The following FNTA variants were observed in gnomAD, a reference collection of about 807,000 sequenced individuals.
FNTA encodes farnesyltransferase, CAAX box, subunit alpha.
FNTA carries 27 observed loss-of-function variants against 55.2 expected under a neutral mutation model. The ratio of observed to expected loss-of-function variants is 0.49; its 90% CI spans 0.36 to 0.67. The LOEUF is 0.67. Ranked by LOEUF, FNTA falls within the 30% of genes least tolerant of loss-of-function variation. FNTA has a pLI of 0.00. For missense variants in FNTA, 422 were observed against 464.7 expected (o/e 0.91, Z 0.85); for synonymous variants, 176 against 170.7 (o/e 1.03, Z -0.24).
chr8:43,074,505 A>G (rs1461479001), intron 5 of FNTA, among the ~76,000 whole-genome samples: 2 of 151,654 alleles, frequency 1.3e-5, no homozygotes, highest in Non-Finnish European at 2.9e-5. Context: ...ATCCTGGGCA[A>G]CAAAATGAGA....
Position 43,085,211 on chromosome 8 carries a change from A to C in FNTA, c.1069A>C (p.Arg357=). 1 of 1,595,426 alleles carries C rather than the reference A, an allele frequency of 6.3e-7. No individual in the cohort carries two copies. Among genetic ancestry groups the C allele is most frequent in the Non-Finnish European group, 8.6e-7 (1 of 1,166,926 alleles). Residue 357 remains arginine (R), a synonymous_variant, in exon 9 of 9, where the codon AGA becomes CGA. Coordinates refer to ENST00000302279, the MANE Select transcript of FNTA (RefSeq NM_002027.3). The part of the protein sequence containing the change: ...EKDTIRKEYW[R]YIGRSLQSKH... ...GGACACTATAAGAAAGGAATATTGG[A>C]GATACATTGGAAGATCCCTTCAAAG... is the stretch of plus-strand genomic sequence containing the variant.
chr8:43,077,391 T>G lies in FNTA; in HGVS notation c.782+27T>G, dbSNP rs1467138103. The G allele has an allele frequency of 3.2e-6, 5 of 1,583,194 alleles. No individual in the cohort carries two copies. In the African/African-American group the frequency reaches 5.4e-5, roughly 17 times the overall value. On this transcript the variant is annotated intron_variant, in intron 6 of 8. Coordinates refer to ENST00000302279, the MANE Select transcript of FNTA (RefSeq NM_002027.3). ...TTAGTAATCTCCTTCACTTGCTCAT[T>G]CGTTACAAACATGTTTGCATGCCTA... is the stretch of plus-strand genomic sequence containing the variant.
At chr8:43,062,171 T>TTGTGTG (rs1231444055) in intron 2 of FNTA, among the ~76,000 whole-genome samples, 2 of 75,062 alleles carry the variant, frequency 2.7e-5, no homozygotes, top group African/African-American at 7.4e-5. Context: ...TGTGTATGTT[T>TTGTGTG]TATGTGTGTG....
chr8:43,070,687 ATTG>A (rs1159706766), intron 4 of FNTA, among the ~76,000 whole-genome samples: 7 of 152,238 alleles, frequency 4.6e-5, no homozygotes, highest in Admixed American at 2.0e-4. Flanking sequence ...CAGTTTTGAA[ATTG>A]TTGTACATTT....
chr8:43,056,404 G>C lies in FNTA; in HGVS notation c.58G>C (p.Ala20Pro), dbSNP rs1810399097. ...GCAAGGGGGCGAGCCCGGGCAGCCG[G>C]CGCAACCCCCGCCCCAGCCGCACCC... ...AAQGGEPGQP[A>P]QPPPQPHPPP... The change falls in exon 1 of 9, where the codon GCG (alanine) becomes CCG (proline). Residue 20 changes from alanine (A) to proline (P), a missense_variant. By Grantham distance (27) the Ala-to-Pro change is conservative (BLOSUM62 -1). Coordinates refer to ENST00000302279, the MANE Select transcript of FNTA (RefSeq NM_002027.3). 6.6e-7 allele frequency: 1 copy of C among 1,514,722 alleles called. No individual in the cohort carries two copies. Among genetic ancestry groups the C allele is most frequent in the African/African-American group, 1.4e-5 (1 of 69,514 alleles). The allele number at this position is 1,514,722 out of a possible 1,614,324, so 93.8% of individuals were successfully genotyped here.
intron 3 of FNTA, among the ~76,000 whole-genome samples, chr8:43,068,754 CCA>C (rs763420590): frequency 1.4e-4 from 21 of 152,210 alleles, no homozygotes; most frequent in Non-Finnish European, 3.1e-4. Context: ...CTCTTGTTGC[CCA>C]GTCTGGAGTG....
At chr8:43,069,700 A>C (rs1348179736) in intron 4 of FNTA, 41 bp downstream of exon 4, 1 of 1,277,220 alleles carries the variant, frequency 7.8e-7, no homozygotes, top group African/African-American at 1.5e-5. Flanking sequence ...GCTGGAGTGC[A>C]GTGGCATGAC....
intron 7 of FNTA, among the ~76,000 whole-genome samples, chr8:43,083,831 G>C (rs1426503459): frequency 6.6e-6 from 1 of 152,224 alleles, no homozygotes; most frequent in East Asian, 1.9e-4. Context: ...CCAGCACTTT[G>C]GGAGGCCAAG....
intron 4 of FNTA, among the ~76,000 whole-genome samples, 182 bp downstream of exon 4, chr8:43,069,841 G>C (rs1309578464): frequency 6.6e-6 from 1 of 151,200 alleles, no homozygotes; most frequent in Non-Finnish European, 1.5e-5. Flanking sequence ...ACGGGGTTTT[G>C]CCATGTTGGC....
intron 1 of FNTA, among the ~76,000 whole-genome samples, chr8:43,057,956 CAAAAA>C (rs71550440): frequency 1.4e-5 from 1 of 69,388 alleles, no homozygotes. Context: ...GACTCCATCT[CAAAAA>C]AAAAAAAAAA....
intron 3 of FNTA, among the ~76,000 whole-genome samples, chr8:43,065,132 C>T (rs1810624573): frequency 6.6e-6 from 1 of 152,072 alleles, no homozygotes; most frequent in African/African-American, 2.4e-5. Context: ...CCGTGCCTGG[C>T]TTATTTTTTT....
intron 2 of FNTA, among the ~76,000 whole-genome samples, chr8:43,062,061 C>T (rs1216170979): frequency 1.3e-5 from 2 of 151,960 alleles, no homozygotes; most frequent in African/African-American, 2.4e-5. Flanking sequence ...TTCATTTTAC[C>T]TTTTACAGTG....
At chr8:43,065,367 C>T (rs1023284128) in intron 3 of FNTA, among the ~76,000 whole-genome samples, 1 of 152,066 alleles carries the variant, frequency 6.6e-6, no homozygotes, top group Non-Finnish European at 1.5e-5. Flanking sequence ...CCTGCCTCAG[C>T]CTCCCAGGTA....
At chr8:43,058,643 G>A (rs1810466051) in intron 1 of FNTA, among the ~76,000 whole-genome samples, 1 of 152,030 alleles carries the variant, frequency 6.6e-6, no homozygotes, top group South Asian at 2.1e-4. Flanking sequence ...GGTGGCGCCC[G>A]CCTGTAGTCC....
intron 6 of FNTA, chr8:43,077,632 C>A: frequency 4.0e-6 from 1 of 251,926 alleles, no homozygotes. Context: ...TATTTTAAAA[C>A]CATCTCATTA....
At chr8:43,072,155 ACTT>A in intron 4 of FNTA, 23 bp from the exon 5 acceptor site, 3 of 1,447,190 alleles carry the variant, frequency 2.1e-6, no homozygotes, top group Non-Finnish European at 2.8e-6. Context: ...TTAACAAAAA[ACTT>A]CTCTCCCTTC....
chr8:43,057,701 T>A (rs1296626865), intron 1 of FNTA, among the ~76,000 whole-genome samples: 1 of 152,206 alleles, frequency 6.6e-6, no homozygotes, highest in Non-Finnish European at 1.5e-5. Context: ...CTCACGCCTG[T>A]AATCCCAGCA....
chr8:43,065,242 T>C (rs1810628199), intron 3 of FNTA, among the ~76,000 whole-genome samples: 1 of 151,988 alleles, frequency 6.6e-6, no homozygotes, highest in Non-Finnish European at 1.5e-5. Flanking sequence ...TGACACACTT[T>C]TTTTTTTTTG....
rs530893017 is a variant in FNTA at position 43,065,697 on chromosome 8, T to C, written c.401+1482T>C. Among the ~76,000 whole-genome samples the C allele has an allele frequency of 1.7e-4, 26 of 151,574 alleles. 1 individual carries two copies. In the South Asian group the frequency reaches 5.4e-3, roughly 31 times the overall value. ...CACAGGTCATCCTTCAGTTTCATTT[T>C]TCTCTTCACCAATTGGATGCTGCAT... On this transcript the variant is annotated intron_variant, in intron 3 of 8. Transcript: ENST00000302279.
Sources: gnomAD v4.1 joint callset for allele counts (sites outside exome capture counted in the v4.1 genomes callset) on GRCh38, gnomAD v4.1.1 for gene constraint, MANE v1.5 for transcripts, NCBI Gene and HGNC (gene_info 2026-07-23, HGNC 2026-07-21) for gene names.